The following GALNT14 variants were observed in gnomAD, a reference collection of about 807,000 sequenced individuals.
GALNT14 encodes polypeptide N-acetylgalactosaminyltransferase 14.
Under a neutral mutation model 77.5 loss-of-function variants are expected in GALNT14, and 60 were observed. That is an observed-to-expected ratio of 0.77 (90% CI 0.63 to 0.96). The LOEUF (loss-of-function observed/expected upper bound fraction) is 0.96. Ranked by LOEUF, GALNT14 falls within the 40% of genes least tolerant of loss-of-function variation. The pLI, the probability that GALNT14 is intolerant of heterozygous loss-of-function variation, is 0.00. For missense variants in GALNT14, 710 were observed against 731.0 expected (o/e 0.97, Z 0.33); for synonymous variants, 280 against 281.7 (o/e 0.99, Z 0.06).
At chr2:30,953,725 C>T (rs887682746) in intron 6 of GALNT14, among the ~76,000 whole-genome samples, 3 of 152,142 alleles carry the variant, frequency 2.0e-5, no homozygotes, top group South Asian at 2.1e-4. Flanking sequence ...AAGAACCCAG[C>T]GGACCTTACT....
chr2:31,048,013 A>G (rs1377978418), intron 1 of GALNT14, among the ~76,000 whole-genome samples: 2 of 152,214 alleles, frequency 1.3e-5, no homozygotes, highest in African/African-American at 4.8e-5. Context: ...CTGGGACTCC[A>G]GCTTAGGGTC....
chr2:30,957,206 T>G (rs1489370950), intron 4 of GALNT14, among the ~76,000 whole-genome samples: 2 of 152,184 alleles, frequency 1.3e-5, no homozygotes, highest in Non-Finnish European at 2.9e-5. Context: ...GGCTAGGTAC[T>G]GTTCTAAGCA....
At chr2:31,102,180 A>ACT (rs1223475352) in intron 1 of GALNT14, among the ~76,000 whole-genome samples, 5,686 of 143,342 alleles carry the variant, frequency 0.04, 250 homozygotes, top group African/African-American at 0.11. Flanking sequence ...AATCTCTTTT[A>ACT]TTTATTTTTT....
intron 2 of GALNT14, among the ~76,000 whole-genome samples, chr2:30,983,124 C>CT (rs924355764): frequency 6.6e-6 from 1 of 152,118 alleles, no homozygotes; most frequent in Admixed American, 6.5e-5. Context: ...TACTGAAACC[C>CT]TGAGTTCACG....
At chr2:31,071,567 G>GCACT (rs1457963726) in intron 1 of GALNT14, among the ~76,000 whole-genome samples, 2 of 152,066 alleles carry the variant, frequency 1.3e-5, no homozygotes, top group African/African-American at 4.8e-5. Context: ...AGTGGTGGAG[G>GCACT]CACTGTGAGT....
At chr2:30,994,836 G>A (rs1292991303) in intron 1 of GALNT14, among the ~76,000 whole-genome samples, 1 of 152,162 alleles carries the variant, frequency 6.6e-6, no homozygotes, top group Non-Finnish European at 1.5e-5. Context: ...GAGCTGGAAG[G>A]CCCCTGCTCT....
chr2:30,930,418 C>T (rs892772465), intron 10 of GALNT14, among the ~76,000 whole-genome samples: 3 of 152,202 alleles, frequency 2.0e-5, no homozygotes, highest in Non-Finnish European at 4.4e-5. Flanking sequence ...AGACTTTTTG[C>T]TAGCACTCTA....
At position 31,138,146 on chromosome 2, in the gene GALNT14, AG is replaced by A; in HGVS notation, c.-61del. ...GTCCCGGGGGCACCCCCCGGCGGTC[AG>A]GGTTGGCGGGGCAGGAGTCCTGGCG... On this transcript the variant is annotated 5_prime_UTR_variant, in exon 1 of 15. Coordinates refer to ENST00000349752, the MANE Select transcript of GALNT14 (RefSeq NM_024572.4). 6.2e-7 allele frequency: 1 copy of A among 1,610,664 alleles called. No individual in the cohort carries two copies.
chr2:30,897,574 T>A, the GALNT14 span, among the ~76,000 whole-genome samples: 1 of 152,178 alleles, frequency 6.6e-6, no homozygotes, highest in Non-Finnish European at 1.5e-5. Flanking sequence ...GGCCTCCCCA[T>A]GAGAAGAAGG....
At chr2:31,066,426 G>C (rs534249682) in intron 1 of GALNT14, among the ~76,000 whole-genome samples, 4 of 151,366 alleles carry the variant, frequency 2.6e-5, no homozygotes, top group Non-Finnish European at 5.9e-5. Flanking sequence ...GGGCGGGGGG[G>C]TGGTGTCCAG....
At chr2:31,045,927 A>T (rs60576941) in intron 1 of GALNT14, among the ~76,000 whole-genome samples, 2,716 of 152,212 alleles carry the variant, frequency 0.018, 82 homozygotes, top group African/African-American at 0.057. Flanking sequence ...CTTATTCTAT[A>T]CTATCATCCT....
At chr2:31,026,785 T>C (rs1050825664) in intron 1 of GALNT14, among the ~76,000 whole-genome samples, 14 of 152,234 alleles carry the variant, frequency 9.2e-5, no homozygotes, top group African/African-American at 2.7e-4. Context: ...TGGCAGGTCA[T>C]TGATGTCCTG....
At chr2:31,014,412 C>T (rs1414412395) in intron 1 of GALNT14, among the ~76,000 whole-genome samples, 2 of 152,116 alleles carry the variant, frequency 1.3e-5, no homozygotes, top group African/African-American at 4.8e-5. Flanking sequence ...AGGCATTGGG[C>T]CCCCAGTTTC....
intron 6 of GALNT14, among the ~76,000 whole-genome samples, chr2:30,949,398 G>A (rs745399260): frequency 4.8e-4 from 73 of 152,088 alleles, no homozygotes; most frequent in Non-Finnish European, 7.6e-4. Flanking sequence ...TTAAAGCACC[G>A]AGGCACACTG....
intron 13 of GALNT14, among the ~76,000 whole-genome samples, chr2:30,920,086 G>A (rs1664940534): frequency 6.6e-6 from 1 of 152,192 alleles, no homozygotes; most frequent in South Asian, 2.1e-4. Flanking sequence ...AATTTCAGGG[G>A]CAGGTGTCTT....
intron 1 of GALNT14, among the ~76,000 whole-genome samples, chr2:31,046,758 T>A (rs1207606116): frequency 4.6e-5 from 7 of 152,278 alleles, no homozygotes; most frequent in East Asian, 1.9e-4. Context: ...GTATTTTTTT[T>A]AATCAAATCT....
rs1424998871 is a variant in GALNT14, at chr2:30,962,158, T to C, written c.399-3694A>G. Among the ~76,000 whole-genome samples the C allele has an allele frequency of 9.2e-5, 14 of 152,336 alleles. 2 individuals are homozygous for C. Among genetic ancestry groups the C allele is most frequent in the Middle Eastern group, 3.4e-3 (1 of 294 alleles). Reference sequence around the variant, plus strand: ...CTGTTGTCACCGCTCAGGCTCACCATATGCCAGGCACTGCTCCAAGTCCTT... The same window carrying C: ...CTGTTGTCACCGCTCAGGCTCACCACATGCCAGGCACTGCTCCAAGTCCTT... On this transcript the variant is annotated intron_variant, in intron 3 of 14. Transcript: ENST00000349752.
chr2:31,027,453 G>A (rs1186467294), intron 1 of GALNT14, among the ~76,000 whole-genome samples: 2 of 149,178 alleles, frequency 1.3e-5, no homozygotes, highest in African/African-American at 4.9e-5. Context: ...AACAGTCCCT[G>A]TGCTCAGTAT....
chr2:30,921,047 C>G (rs1381114431), intron 13 of GALNT14, among the ~76,000 whole-genome samples: 4 of 152,176 alleles, frequency 2.6e-5, no homozygotes, highest in Non-Finnish European at 5.9e-5. Context: ...GTGAGTTGCC[C>G]CCAGATGACT....
Sources: gnomAD v4.1 joint callset for allele counts (sites outside exome capture counted in the v4.1 genomes callset) on GRCh38, gnomAD v4.1.1 for gene constraint, MANE v1.5 for transcripts, NCBI Gene and HGNC (gene_info 2026-07-23, HGNC 2026-07-21) for gene names.